ETV6: variants seen among roughly 807,000 people sequenced by gnomAD.
ETV6 encodes the protein ETS variant transcription factor 6.
Under a neutral mutation model 51.1 loss-of-function variants are expected in ETV6, and 16 were observed. That is an observed-to-expected ratio of 0.31 (90% CI 0.21 to 0.48). The LOEUF (loss-of-function observed/expected upper bound fraction) is 0.48, where lower values mean the gene tolerates loss of function less well. ETV6 is among the 20% of genes least tolerant of loss of function. ETV6 has a pLI of 0.99. For synonymous variants in ETV6, 240 were observed against 224.1 expected (o/e 1.07, Z -0.64); for missense variants, 458 against 594.8 (o/e 0.77, Z 2.39).
At chr12:11,790,497 T>C (rs1351978000) in intron 2 of ETV6, among the ~76,000 whole-genome samples, 1 of 152,088 alleles carries the variant, frequency 6.6e-6, no homozygotes, top group Non-Finnish European at 1.5e-5. Context: ...TCCCAAGAGA[T>C]GGTTGACTCT....
chr12:11,791,742 A>G (rs1211084378), intron 2 of ETV6, among the ~76,000 whole-genome samples: 1 of 121,946 alleles, frequency 8.2e-6, no homozygotes, highest in Non-Finnish European at 1.8e-5. Flanking sequence ...ATACTACTAT[A>G]TAAGTGTTCA....
At chr12:11,802,017 C>T (rs1945756293) in intron 2 of ETV6, among the ~76,000 whole-genome samples, 1 of 152,170 alleles carries the variant, frequency 6.6e-6, no homozygotes, top group Non-Finnish European at 1.5e-5. Context: ...TGGAGGGGAG[C>T]AGAGCGAGGA....
intron 2 of ETV6, among the ~76,000 whole-genome samples, chr12:11,816,815 C>T (rs1167027820): frequency 6.6e-6 from 1 of 152,180 alleles, no homozygotes; most frequent in Non-Finnish European, 1.5e-5. Flanking sequence ...CTGCAGTTGA[C>T]AATTTGAAAT....
chr12:11,800,028 T>G lies in ETV6; in HGVS notation c.164-39112T>G, dbSNP rs145103065. Among the ~76,000 whole-genome samples, 690 of 152,322 alleles carry G rather than the reference T, an allele frequency of 4.5e-3. 7 individuals carry two copies. Among genetic ancestry groups the G allele is most frequent in the Non-Finnish European group, 5.9e-3 (403 of 68,030 alleles). ...ACTCAGTGCTTTTATGGAGTCCATC[T>G]CTGAAGAGCAGGGCTTATATTTGAG... On this transcript the variant is annotated intron_variant, in intron 2 of 7. Coordinates refer to ENST00000396373, the MANE Select transcript of ETV6 (RefSeq NM_001987.5).
intron 1 of ETV6, among the ~76,000 whole-genome samples, chr12:11,671,975 T>C (rs941773489): frequency 7.9e-5 from 12 of 151,262 alleles, no homozygotes; most frequent in Admixed American, 5.3e-4. Context: ...TCCTTTGTGC[T>C]TCATGTTTGG....
chr12:11,874,521 CATATATGTGTATGTGCGTGTGT>C (rs1946937608), intron 5 of ETV6, among the ~76,000 whole-genome samples: 1 of 4,126 alleles, frequency 2.4e-4, no homozygotes, highest in Non-Finnish European at 4.7e-3. Context: ...TGTGTACACA[CATATATGTGTATGTGCGTGTGT>C]ACACACATAT....
intron 1 of ETV6, among the ~76,000 whole-genome samples, chr12:11,725,220 G>A (rs561228997): frequency 6.6e-6 from 1 of 150,770 alleles, no homozygotes; most frequent in South Asian, 2.1e-4. Flanking sequence ...ATGTCATGCT[G>A]TGAATATGTG....
At chr12:11,870,153 G>T (rs571989723) in intron 5 of ETV6, among the ~76,000 whole-genome samples, 184 bp downstream of exon 5, 2 of 152,054 alleles carry the variant, frequency 1.3e-5, no homozygotes, top group African/African-American at 4.8e-5. Flanking sequence ...TTAATGAGCC[G>T]CTGGGATGGA....
At chr12:11,777,570 C>T (rs550320340) in intron 2 of ETV6, among the ~76,000 whole-genome samples, 4 of 152,066 alleles carry the variant, frequency 2.6e-5, no homozygotes, top group East Asian at 1.9e-4. Flanking sequence ...CAAATCTGGG[C>T]GTGCATTTTC....
Position 11,816,974 on chromosome 12 carries a change from G to A in ETV6, c.164-22166G>A, listed in dbSNP as rs544131787. Among the ~76,000 whole-genome samples the A allele has an allele frequency of 3.3e-5, 5 of 152,338 alleles. No homozygotes were observed. The East Asian group carries it at 5.8e-4, about 18-fold the overall frequency. On this transcript the variant is annotated intron_variant, in intron 2 of 7. Transcript: ENST00000396373. Reference sequence around the variant, plus strand: ...ATAGCACATGCCATTACCATAGTGGGCTGGATAGGGGGCAGGAAGCAATGC... The same window carrying A: ...ATAGCACATGCCATTACCATAGTGGACTGGATAGGGGGCAGGAAGCAATGC...
At chr12:11,879,540 T>C (rs927182684) in intron 5 of ETV6, among the ~76,000 whole-genome samples, 2 of 152,210 alleles carry the variant, frequency 1.3e-5, no homozygotes, top group African/African-American at 4.8e-5. Flanking sequence ...AGGAAGGGAT[T>C]TTTTACAATG....
At chr12:11,878,872 A>G (rs1226372732) in intron 5 of ETV6, among the ~76,000 whole-genome samples, 1 of 150,224 alleles carries the variant, frequency 6.7e-6, no homozygotes, top group Non-Finnish European at 1.5e-5. Context: ...TGAATGTTGT[A>G]AACCGTGTTT....
intron 3 of ETV6, among the ~76,000 whole-genome samples, chr12:11,848,372 C>T (rs912074002): frequency 6.6e-6 from 1 of 152,202 alleles, no homozygotes; most frequent in African/African-American, 2.4e-5. Context: ...CAAATTCTTT[C>T]CTCTAAAATT....
chr12:11,893,790 C>CA lies in ETV6; in HGVS notation c.*2745dup, dbSNP rs1947335491. On this transcript the variant is annotated 3_prime_UTR_variant, in exon 8 of 8. Transcript: ENST00000396373. ...CTTTGTGTCCATCCCCAAGATCTCTCATTTTATATATATATATATATATAT... is the reference window on the plus strand; with the variant it reads ...CTTTGTGTCCATCCCCAAGATCTCTCAATTTTATATATATATATATATATAT... 1.8e-5 allele frequency: 2 copies of CA among 113,448 alleles called. No individual in the cohort carries two copies. The highest frequency in any genetic ancestry group is 4.0e-5 in the African/African-American group (1 of 25,222). The allele number at this position is 113,448 out of a possible 1,614,324, so 7.0% of individuals were successfully genotyped here. A position where few individuals can be genotyped will look rare whatever the true frequency, so the allele number is the denominator to read the frequency against.
chr12:11,778,287 G>GGC (rs1945362227), intron 2 of ETV6, among the ~76,000 whole-genome samples: 4 of 152,214 alleles, frequency 2.6e-5, no homozygotes, highest in African/African-American at 9.7e-5. Flanking sequence ...CGCCTTCCTG[G>GGC]GCAGCCTGGC....
intron 2 of ETV6, among the ~76,000 whole-genome samples, chr12:11,827,182 T>C (rs182347658): frequency 4.6e-5 from 7 of 151,968 alleles, no homozygotes; most frequent in African/African-American, 1.5e-4. Flanking sequence ...GTTTGTTTCA[T>C]GAGGCGTCAG....
intron 2 of ETV6, among the ~76,000 whole-genome samples, chr12:11,815,545 T>G (rs944435570): frequency 1.3e-5 from 2 of 152,236 alleles, no homozygotes; most frequent in Non-Finnish European, 1.5e-5. Flanking sequence ...GATCAAGCCA[T>G]TTAGCCCCGT....
chr12:11,832,629 A>G (rs1222422887), intron 2 of ETV6, among the ~76,000 whole-genome samples: 1 of 152,234 alleles, frequency 6.6e-6, no homozygotes. Context: ...GGAAGACATT[A>G]TCACTTTGGA....
rs192434340 is a variant in ETV6 at position 11,786,366 on chromosome 12, A to C, written c.163+33787A>C. On this transcript the variant is annotated intron_variant, in intron 2 of 7. Coordinates refer to ENST00000396373, the MANE Select transcript of ETV6 (RefSeq NM_001987.5). ...TTTTTTCACTTTTCCCTAATTAAAG[A>C]TATATATACGCTAATTCAGAATAAG... 3.9e-5 allele frequency among the ~76,000 whole-genome samples: 6 copies of C among 151,982 alleles called. No homozygotes were observed. In the East Asian group the frequency reaches 9.7e-4, roughly 24 times the overall value.
Sources: gnomAD v4.1 joint callset for allele counts (sites outside exome capture counted in the v4.1 genomes callset) on GRCh38, gnomAD v4.1.1 for gene constraint, MANE v1.5 for transcripts, NCBI Gene and HGNC (gene_info 2026-07-23, HGNC 2026-07-21) for gene names.